The following NEGR1 variants were observed in gnomAD, a reference collection of about 807,000 sequenced individuals.
NEGR1 encodes the protein neuronal growth regulator 1.
A neutral mutation model predicts 40.9 loss-of-function variants in NEGR1; 10 were observed. The observed-to-expected ratio is 0.24, with a 90% CI of 0.15 to 0.42. The LOEUF (loss-of-function observed/expected upper bound fraction) is 0.42, where lower values mean the gene tolerates loss of function less well. NEGR1 is among the 10% of genes least tolerant of loss of function. NEGR1 has a pLI of 1.00. For synonymous variants in NEGR1, 185 were observed against 166.8 expected (o/e 1.11, Z -0.84); for missense variants, 352 against 438.9 (o/e 0.80, Z 1.77).
chr1:72,107,753 T>C (rs533388632), intron 1 of NEGR1, among the ~76,000 whole-genome samples: 1 of 151,440 alleles, frequency 6.6e-6, no homozygotes, highest in South Asian at 2.1e-4. Context: ...TATGTGTATA[T>C]ATGTACACCA....
chr1:72,221,079 T>C (rs1351723679), intron 1 of NEGR1, among the ~76,000 whole-genome samples: 2 of 152,132 alleles, frequency 1.3e-5, no homozygotes, highest in Non-Finnish European at 2.9e-5. Flanking sequence ...GGTTCTTTCT[T>C]AAGCCTCCAA....
chr1:72,266,672 T>C (rs559184495), intron 1 of NEGR1, among the ~76,000 whole-genome samples: 2 of 147,588 alleles, frequency 1.4e-5, no homozygotes, highest in African/African-American at 5.0e-5. Context: ...TATACATACA[T>C]AAAAATCTAA....
chr1:72,083,673 C>T (rs1648093736), intron 1 of NEGR1, among the ~76,000 whole-genome samples: 1 of 152,026 alleles, frequency 6.6e-6, no homozygotes, highest in South Asian at 2.1e-4. Context: ...ACATTCCCTC[C>T]CATTTCATTA....
chr1:72,223,814 T>C (rs902697444), intron 1 of NEGR1, among the ~76,000 whole-genome samples: 1 of 152,170 alleles, frequency 6.6e-6, no homozygotes, highest in Admixed American at 6.6e-5. Flanking sequence ...GTATTCAGTA[T>C]TTATATTTAA....
intron 1 of NEGR1, among the ~76,000 whole-genome samples, chr1:72,049,751 A>G (rs909710208): frequency 6.6e-6 from 1 of 151,538 alleles, no homozygotes; most frequent in African/African-American, 2.4e-5. Flanking sequence ...TTTTTTACTC[A>G]TCTTTGTATC....
intron 6 of NEGR1, among the ~76,000 whole-genome samples, chr1:71,427,668 T>C (rs1646437121): frequency 1.3e-5 from 2 of 152,204 alleles, no homozygotes; most frequent in South Asian, 2.1e-4. Context: ...TCCTGGCCTA[T>C]AGTAAGTAGT....
chr1:72,232,282 G>A (rs548534999), intron 1 of NEGR1, among the ~76,000 whole-genome samples: 30 of 151,904 alleles, frequency 2.0e-4, no homozygotes, highest in Non-Finnish European at 3.7e-4. Context: ...ACTTGAACCC[G>A]GGAGGCGGAG....
At chr1:71,486,560 T>C (rs577326708) in intron 6 of NEGR1, 1 of 151,654 alleles carries the variant, frequency 6.6e-6, no homozygotes, top group East Asian at 2.0e-4. Context: ...AAATATCGTC[T>C]TTGAAACACA....
chr1:72,227,472 A>C (rs1211981609), intron 1 of NEGR1, among the ~76,000 whole-genome samples: 1 of 152,066 alleles, frequency 6.6e-6, no homozygotes, highest in Non-Finnish European at 1.5e-5. Flanking sequence ...TTTGCCTCAA[A>C]GAGGGAAGAA....
chr1:71,664,754 A>C (rs2101593735), intron 4 of NEGR1, among the ~76,000 whole-genome samples: 1 of 152,106 alleles, frequency 6.6e-6, no homozygotes, highest in Non-Finnish European at 1.5e-5. Flanking sequence ...CTCTTTGGTA[A>C]GGTTAGAGTA....
At chr1:71,907,236 A>G (rs958331866) in intron 2 of NEGR1, among the ~76,000 whole-genome samples, 2 of 152,170 alleles carry the variant, frequency 1.3e-5, no homozygotes, top group African/African-American at 2.4e-5. Context: ...TGTTTCTATT[A>G]CTGTATTTCC....
chr1:71,647,417 C>T (rs1272192608), intron 4 of NEGR1, among the ~76,000 whole-genome samples: 2 of 151,904 alleles, frequency 1.3e-5, no homozygotes, highest in African/African-American at 2.4e-5. Flanking sequence ...AGAAGGAAAG[C>T]ACTATGTCTT....
chr1:71,460,780 A>G (rs878991728), intron 6 of NEGR1, among the ~76,000 whole-genome samples: 3 of 152,190 alleles, frequency 2.0e-5, no homozygotes, highest in Admixed American at 6.5e-5. Context: ...AGAAATATAT[A>G]TGGACACCAG....
chr1:71,708,834 A>G (rs1653988700), intron 3 of NEGR1, among the ~76,000 whole-genome samples: 1 of 152,200 alleles, frequency 6.6e-6, no homozygotes, highest in South Asian at 2.1e-4. Context: ...AAGTGAGAAC[A>G]TGCAGTGTTT....
At chr1:72,270,664 A>C (rs1655812917) in intron 1 of NEGR1, among the ~76,000 whole-genome samples, 1 of 151,800 alleles carries the variant, frequency 6.6e-6, no homozygotes, top group South Asian at 2.1e-4. Flanking sequence ...ACATATTTCT[A>C]ATTAGTCTTA....
intron 1 of NEGR1, among the ~76,000 whole-genome samples, chr1:72,025,908 G>A (rs535841549): frequency 3.3e-5 from 5 of 151,428 alleles, no homozygotes; most frequent in Non-Finnish European, 5.9e-5. Context: ...TCAGGAGATC[G>A]AGATCATCCC....
At chr1:71,922,481 G>A (rs779864440) in intron 2 of NEGR1, among the ~76,000 whole-genome samples, 1 of 152,086 alleles carries the variant, frequency 6.6e-6, no homozygotes, top group African/African-American at 2.4e-5. Flanking sequence ...AAAAATATAC[G>A]ATTATTTTCA....
chr1:71,797,778 T>C (rs915701875), intron 2 of NEGR1, among the ~76,000 whole-genome samples: 9 of 152,170 alleles, frequency 5.9e-5, no homozygotes, highest in African/African-American at 2.2e-4. Flanking sequence ...TGTTTCCTTC[T>C]AAATAACATT....
intron 1 of NEGR1, among the ~76,000 whole-genome samples, chr1:72,015,304 G>C (rs1646699262): frequency 6.6e-6 from 1 of 151,808 alleles, no homozygotes; most frequent in Admixed American, 6.6e-5. Context: ...TTTTAAAAAA[G>C]TTTAAAGTAT....
Sources: allele counts gnomAD v4.1 joint callset (sites outside exome capture counted in the v4.1 genomes callset), GRCh38; gene constraint gnomAD v4.1.1; transcripts MANE v1.5; gene names NCBI Gene and HGNC (gene_info 2026-07-23, HGNC 2026-07-21).